The following NOS1AP variants were observed in gnomAD, a reference collection of about 807,000 sequenced individuals.
NOS1AP encodes the protein nitric oxide synthase 1 adaptor protein.
Under a neutral mutation model 56.2 loss-of-function variants are expected in NOS1AP, and 21 were observed. That is an observed-to-expected ratio of 0.37 (90% CI 0.26 to 0.54). The LOEUF is 0.54. Among genes scored for constraint, NOS1AP ranks in the 20% least tolerant of loss-of-function variants. The probability of loss-of-function intolerance (pLI) is 0.84; values close to 1 mark genes in which losing one functional copy is unlikely to be tolerated. For synonymous variants in NOS1AP, 270 were observed against 274.6 expected (o/e 0.98, Z 0.17); for missense variants, 522 against 657.8 (o/e 0.79, Z 2.26).
chr1:162,258,525 G>A (rs993399208), intron 2 of NOS1AP, among the ~76,000 whole-genome samples: 7 of 152,052 alleles, frequency 4.6e-5, no homozygotes, highest in Admixed American at 1.3e-4. Context: ...GCATTGACAC[G>A]TAATGGTCCT....
intron 4 of NOS1AP, among the ~76,000 whole-genome samples, chr1:162,316,027 A>G (rs1656216507): frequency 6.6e-6 from 1 of 152,206 alleles, no homozygotes. Context: ...CATGTAATTG[A>G]CTTATTAAAC....
At position 162,323,193 on chromosome 1, in the gene NOS1AP, G is replaced by T. The variant is rs546148194; in HGVS notation, c.345-9824G>T. Among the ~76,000 whole-genome samples, 238 of 152,226 alleles carry T rather than the reference G, an allele frequency of 1.6e-3. 1 individual carries two copies. Among genetic ancestry groups the T allele is most frequent in the Non-Finnish European group, 2.3e-3 (157 of 68,038 alleles). On this transcript the variant is annotated intron_variant, in intron 4 of 9. Coordinates refer to ENST00000361897, the MANE Select transcript of NOS1AP (RefSeq NM_014697.3). Reference sequence around the variant, plus strand: ...ACAGAGACAGAGGAGACACAGGGCAGAATGCCGTGGGAAGGCAGCGGGAGC... The same window carrying T: ...ACAGAGACAGAGGAGACACAGGGCATAATGCCGTGGGAAGGCAGCGGGAGC...
intron 1 of NOS1AP, among the ~76,000 whole-genome samples, chr1:162,146,575 G>A (rs563809654): frequency 6.6e-6 from 1 of 152,248 alleles, no homozygotes; most frequent in Non-Finnish European, 1.5e-5. Flanking sequence ...GTGCCTGTGG[G>A]GTTGTGCTGC....
At chr1:162,172,122 CCT>C (rs1182906367) in intron 2 of NOS1AP, among the ~76,000 whole-genome samples, 2 of 152,172 alleles carry the variant, frequency 1.3e-5, no homozygotes, top group African/African-American at 4.8e-5. Context: ...ACCAGTAAGA[CCT>C]CTCTGTAAAG....
chr1:162,361,314 C>T (rs905291090), intron 8 of NOS1AP, among the ~76,000 whole-genome samples: 3 of 152,174 alleles, frequency 2.0e-5, no homozygotes, highest in Non-Finnish European at 4.4e-5. Context: ...GGAGGTGGTG[C>T]TCTCTGCCCC....
intron 2 of NOS1AP, among the ~76,000 whole-genome samples, chr1:162,174,044 C>T (rs529623073): frequency 6.6e-6 from 1 of 152,256 alleles, no homozygotes; most frequent in South Asian, 2.1e-4. Flanking sequence ...TTTGACCCAG[C>T]CATCCCATTA....
chr1:162,366,535 A>G (rs1314821162), intron 9 of NOS1AP, among the ~76,000 whole-genome samples: 2 of 152,056 alleles, frequency 1.3e-5, no homozygotes, highest in South Asian at 2.1e-4. Context: ...CGTCTTTCCT[A>G]CTGAGATCCT....
At chr1:162,364,155 A>C (rs1176683482) in intron 8 of NOS1AP, 9 of 985,280 alleles carry the variant, frequency 9.1e-6, no homozygotes, top group Non-Finnish European at 1.1e-5. Context: ...AAATTTGAGC[A>C]CTTGTTTTCT....
intron 4 of NOS1AP, among the ~76,000 whole-genome samples, chr1:162,327,166 A>G (rs347295): frequency 0.51 from 76,889 of 151,998 alleles, 22,155 homozygotes; most frequent in Non-Finnish European, 0.65. Flanking sequence ...GAAAATCTCA[A>G]TCCCATTTTT....
chr1:162,211,740 C>G (rs1022396211), intron 2 of NOS1AP, among the ~76,000 whole-genome samples: 1 of 152,118 alleles, frequency 6.6e-6, no homozygotes, highest in African/African-American at 2.4e-5. Context: ...CTTCCTCTCT[C>G]TGCAGTCTGA....
chr1:162,255,282 T>C (rs1653988586), intron 2 of NOS1AP, among the ~76,000 whole-genome samples: 2 of 152,074 alleles, frequency 1.3e-5, no homozygotes, highest in Non-Finnish European at 2.9e-5. Flanking sequence ...TGGGAGCTTT[T>C]TATTACAACA....
rs551940133 is a variant in NOS1AP, at chr1:162,346,010, T to C, written c.595+2034T>C. On this transcript the variant is annotated intron_variant, in intron 6 of 9. Coordinates refer to ENST00000361897, the MANE Select transcript of NOS1AP (RefSeq NM_014697.3). ...TGCTTATAATAGGTAAAACTCATGT[T>C]CAAATAAGTGCCTGAGCGGATCAGA... is the stretch of plus-strand genomic sequence containing the variant. Among the ~76,000 whole-genome samples, 8 of 152,338 alleles carry C rather than the reference T, an allele frequency of 5.3e-5. No homozygotes were observed. The East Asian group carries it at 1.4e-3, about 26-fold the overall frequency.
intron 2 of NOS1AP, among the ~76,000 whole-genome samples, chr1:162,183,912 T>C (rs1385374466): frequency 1.3e-5 from 2 of 152,246 alleles, no homozygotes; most frequent in Admixed American, 1.3e-4. Context: ...GTAGCACTTT[T>C]AATCTCCTTC....
intron 1 of NOS1AP, among the ~76,000 whole-genome samples, chr1:162,150,156 A>G (rs966252802): frequency 6.6e-6 from 1 of 152,136 alleles, no homozygotes; most frequent in Non-Finnish European, 1.5e-5. Context: ...CCTACTGGTA[A>G]CCATTGTTCT....
Position 162,281,366 on chromosome 1 carries a change from AC to A in NOS1AP, c.178-5975del, listed in dbSNP as rs374608898. Among the ~76,000 whole-genome samples the A allele has an allele frequency of 5.0e-3, 757 of 152,204 alleles. 5 individuals carry two copies. The highest frequency in any genetic ancestry group is 0.017 in the African/African-American group (723 of 41,498). On this transcript the variant is annotated intron_variant, in intron 2 of 9. Transcript: ENST00000361897. ...TTCATTACTTTGACATTCATTTATC[AC>A]CCTCCTATGTCCTGGTCTCTTTTCT...
In NOS1AP at chr1:162,319,209, G is replaced by A. The variant is rs1656330455; in HGVS notation, c.345-13808G>A. Among the ~76,000 whole-genome samples the A allele has an allele frequency of 3.3e-5, 5 of 152,162 alleles. No individual in the cohort carries two copies. The South Asian group carries it at 1.0e-3, about 32-fold the overall frequency. ...ACTTGAGCATTGAAAGACTCACCCA[G>A]TAGCTCACAAATGTAAGCAGCAGAA... On this transcript the variant is annotated intron_variant, in intron 4 of 9. Coordinates refer to ENST00000361897, the MANE Select transcript of NOS1AP (RefSeq NM_014697.3).
At chr1:162,077,926 G>A (rs1460014124) in intron 1 of NOS1AP, among the ~76,000 whole-genome samples, 1 of 152,040 alleles carries the variant, frequency 6.6e-6, no homozygotes, top group Non-Finnish European at 1.5e-5. Flanking sequence ...TTCTGTCCTG[G>A]CTGCTGTACT....
At chr1:162,307,006 G>A (rs918150750) in intron 4 of NOS1AP, among the ~76,000 whole-genome samples, 1 of 152,028 alleles carries the variant, frequency 6.6e-6, no homozygotes, top group Non-Finnish European at 1.5e-5. Context: ...CGATAAGGCT[G>A]TTGAATAGAA....
intron 2 of NOS1AP, among the ~76,000 whole-genome samples, chr1:162,183,865 G>C (rs1651343722): frequency 6.6e-6 from 1 of 152,184 alleles, no homozygotes; most frequent in South Asian, 2.1e-4. Flanking sequence ...CAGCCATAAG[G>C]CTGCTTTGCT....
Sources: gnomAD v4.1 joint callset for allele counts (sites outside exome capture counted in the v4.1 genomes callset) on GRCh38, gnomAD v4.1.1 for gene constraint, MANE v1.5 for transcripts, NCBI Gene and HGNC (gene_info 2026-07-23, HGNC 2026-07-21) for gene names.